The following E2F3 variants were observed in gnomAD, a reference collection of about 807,000 sequenced individuals.
E2F3 encodes transcription factor E2F3.
A neutral mutation model predicts 44.4 loss-of-function variants in E2F3; 11 were observed. That is an observed-to-expected ratio of 0.25 (90% confidence interval 0.16 to 0.41). E2F3 has a LOEUF of 0.41. E2F3 is among the 10% of genes least tolerant of loss of function. The probability of loss-of-function intolerance (pLI) is 1.00; values close to 1 mark genes in which losing one functional copy is unlikely to be tolerated. For missense variants in E2F3, 487 were observed against 583.6 expected (o/e 0.83, Z 1.70); for synonymous variants, 249 against 253.0 (o/e 0.98, Z 0.15).
intron 1 of E2F3, among the ~76,000 whole-genome samples, chr6:20,424,383 A>G (rs187689050): frequency 3.5e-4 from 51 of 146,732 alleles, no homozygotes; most frequent in South Asian, 6.6e-4. Context: ...GAGTGTGTGT[A>G]TGTGTGTGTG....
chr6:20,488,037 T>A (rs2127627222), intron 5 of E2F3, 76 bp from the exon 6 acceptor site: 1 of 1,587,320 alleles, frequency 6.3e-7, no homozygotes, highest in East Asian at 2.2e-5. Flanking sequence ...TTACTTTCCA[T>A]TTTTAGACAA....
intron 1 of E2F3, among the ~76,000 whole-genome samples, chr6:20,423,313 G>T (rs1321278291): frequency 6.6e-6 from 1 of 152,104 alleles, no homozygotes; most frequent in Non-Finnish European, 1.5e-5. Flanking sequence ...ATGTTACTGG[G>T]CTGAATACTG....
intron 1 of E2F3, among the ~76,000 whole-genome samples, chr6:20,454,117 G>A (rs1761231715): frequency 6.6e-6 from 1 of 152,164 alleles, no homozygotes; most frequent in African/African-American, 2.4e-5. Flanking sequence ...TGTTACTCAA[G>A]GACCATGCCT....
chr6:20,404,204 G>A (rs1759415325), intron 1 of E2F3, among the ~76,000 whole-genome samples: 1 of 151,544 alleles, frequency 6.6e-6, no homozygotes, highest in Non-Finnish European at 1.5e-5. Flanking sequence ...CAGAGGGTAG[G>A]GTGTCTGTAG....
At chr6:20,441,997 CT>C (rs112011567) in intron 1 of E2F3, among the ~76,000 whole-genome samples, 1,707 of 143,952 alleles carry the variant, frequency 0.012, 33 homozygotes, top group African/African-American at 0.034. Context: ...GTCACCCAAC[CT>C]TTTTTTTTTT....
intron 1 of E2F3, chr6:20,403,765 C>G: frequency 2.0e-6 from 3 of 1,495,980 alleles, no homozygotes; most frequent in Non-Finnish European, 2.7e-6. Flanking sequence ...CTCCGGGCCC[C>G]CTCTCCAGCC....
chr6:20,438,866 T>C (rs890261491), intron 1 of E2F3, among the ~76,000 whole-genome samples: 1 of 152,202 alleles, frequency 6.6e-6, no homozygotes, highest in African/African-American at 2.4e-5. Context: ...TGTTTACTCA[T>C]GCAAGCAAGT....
intron 1 of E2F3, among the ~76,000 whole-genome samples, chr6:20,475,208 T>G (rs775359498): frequency 4.6e-5 from 7 of 152,254 alleles, no homozygotes; most frequent in Non-Finnish European, 7.3e-5. Flanking sequence ...CATCTAGCAT[T>G]CAAATTTGGT....
chr6:20,423,997 T>C (rs896767624), intron 1 of E2F3, among the ~76,000 whole-genome samples: 3 of 150,540 alleles, frequency 2.0e-5, no homozygotes, highest in Non-Finnish European at 4.4e-5. Context: ...CTCGAACTCC[T>C]GACCTCAGGT....
intron 1 of E2F3, among the ~76,000 whole-genome samples, chr6:20,460,583 T>C (rs1333342994): frequency 6.6e-6 from 1 of 152,202 alleles, no homozygotes; most frequent in African/African-American, 2.4e-5. Context: ...ATTTTTAACT[T>C]ACCCCTGTTG....
intron 1 of E2F3, among the ~76,000 whole-genome samples, chr6:20,415,494 A>G (rs1480617569): frequency 6.6e-6 from 1 of 152,230 alleles, no homozygotes; most frequent in Admixed American, 6.5e-5. Flanking sequence ...CTTAGATGCC[A>G]TTAGCACCAC....
chr6:20,466,123 G>T (rs1193870382), intron 1 of E2F3, among the ~76,000 whole-genome samples: 2 of 150,800 alleles, frequency 1.3e-5, no homozygotes, highest in African/African-American at 2.4e-5. Flanking sequence ...GGTGCGGGGC[G>T]GGGGGTGTGG....
At chr6:20,414,457 T>C (rs547836364) in intron 1 of E2F3, among the ~76,000 whole-genome samples, 1 of 151,912 alleles carries the variant, frequency 6.6e-6, no homozygotes, top group Non-Finnish European at 1.5e-5. Flanking sequence ...TTTCCTACAC[T>C]CTCTGATTTT....
chr6:20,447,939 G>T (rs976239491), intron 1 of E2F3, among the ~76,000 whole-genome samples: 1 of 152,162 alleles, frequency 6.6e-6, no homozygotes, highest in African/African-American at 2.4e-5. Flanking sequence ...CTTGCCCAAG[G>T]TCACACAGTG....
rs1380056332 is a variant in E2F3 at position 20,482,597 on chromosome 6, AAAAT to A, written c.726-163_726-160del. Among the ~76,000 whole-genome samples the A allele has an allele frequency of 7.1e-3, 840 of 119,012 alleles. 7 individuals carry two copies. The highest frequency in any genetic ancestry group is 0.018 in the African/African-American group (524 of 29,672). The allele number at this position is 119,012 out of a possible 152,430, so 78.1% of individuals were successfully genotyped here. ...GTGCAGAACTGTATTTATGAAAAAA[AAAAT>A]ATATATATATATATATATATGTGTA... On this transcript the variant is annotated intron_variant, in intron 3 of 6. Transcript: ENST00000346618.
rs1759348096 is a variant in E2F3 at position 20,402,703 on chromosome 6, G to C, written c.393+78G>C. 9.4e-6 allele frequency: 12 copies of C among 1,271,408 alleles called. No homozygotes were observed. The South Asian group carries it at 3.3e-4, about 35-fold the overall frequency. The allele number at this position is 1,271,408 out of a possible 1,614,324, so 78.8% of individuals were successfully genotyped here. On this transcript the variant is annotated intron_variant, in intron 1 of 6. Coordinates refer to ENST00000346618, the MANE Select transcript of E2F3 (RefSeq NM_001949.5). The surrounding 1 kb of genome is among the most constrained non-coding windows in gnomAD (Gnocchi z 5.6). Reference sequence around the variant, plus strand: ...CCGCGCGGGGTCGTGGGCGCGCTGCGGGCCGCTCGGGGAGAGCACTGGGCC... The same window carrying C: ...CCGCGCGGGGTCGTGGGCGCGCTGCCGGCCGCTCGGGGAGAGCACTGGGCC...
At chr6:20,459,211 G>T (rs1761415250) in intron 1 of E2F3, among the ~76,000 whole-genome samples, 1 of 152,210 alleles carries the variant, frequency 6.6e-6, no homozygotes, top group Non-Finnish European at 1.5e-5. Flanking sequence ...GGCAGAGGTT[G>T]CAGTGAGCCA....
intron 1 of E2F3, among the ~76,000 whole-genome samples, chr6:20,447,312 T>C (rs979448365): frequency 2.0e-5 from 3 of 151,720 alleles, no homozygotes; most frequent in Non-Finnish European, 4.4e-5. Context: ...ACGTTATTAG[T>C]GGGATGTGTA....
intron 1 of E2F3, among the ~76,000 whole-genome samples, chr6:20,476,666 A>G (rs1762055866): frequency 6.6e-6 from 1 of 152,118 alleles, no homozygotes; most frequent in African/African-American, 2.4e-5. Context: ...CTTGGTCATA[A>G]GCCATTCAAC....
Sources: allele counts gnomAD v4.1 joint callset (sites outside exome capture counted in the v4.1 genomes callset), GRCh38; gene constraint gnomAD v4.1.1; non-coding constraint Gnocchi (gnomAD v3.1); transcripts MANE v1.5; gene names NCBI Gene and HGNC (gene_info 2026-07-23, HGNC 2026-07-21).